The following MTHFD2L variants were observed in gnomAD, a reference collection of about 807,000 sequenced individuals.
MTHFD2L encodes methylenetetrahydrofolate dehydrogenase (NADP+ dependent) 2 like, also known as bifunctional methylenetetrahydrofolate dehydrogenase/cyclohydrolase 2, mitochondrial.
Under a neutral mutation model 34.9 loss-of-function variants are expected in MTHFD2L, and 29 were observed. The observed-to-expected ratio is 0.83, with a 90% CI of 0.62 to 1.13. The LOEUF is 1.13. MTHFD2L is among the 50% of genes most tolerant of loss of function. The pLI is 0.00. For missense variants in MTHFD2L, 481 were observed against 446.5 expected (o/e 1.08, Z -0.70); for synonymous variants, 167 against 155.7 (o/e 1.07, Z -0.54).
At chr4:74,152,687 C>G (rs1220651931) in intron 1 of MTHFD2L, among the ~76,000 whole-genome samples, 4 of 152,054 alleles carry the variant, frequency 2.6e-5, no homozygotes, top group African/African-American at 7.2e-5. Flanking sequence ...TCTCCACCCC[C>G]TGACAGGCCC....
At chr4:74,180,899 C>T in intron 3 of MTHFD2L, 1 of 178,628 alleles carries the variant, frequency 5.6e-6, no homozygotes. Flanking sequence ...ATGTTATATT[C>T]TTTTTTTCTT....
chr4:74,298,658 T>C lies in MTHFD2L; in HGVS notation c.932-3039T>C, dbSNP rs115220092. ...CAGCTGTGTAATTTGAAGTGTAATA[T>C]GTAGTTCAGAGATGATGAGCTATGA... On this transcript the variant is annotated intron_variant, in intron 7 of 7. Coordinates refer to ENST00000325278, the MANE Select transcript of MTHFD2L (RefSeq NM_001144978.3). Among the ~76,000 whole-genome samples, 573 of 152,166 alleles carry C rather than the reference T, an allele frequency of 3.8e-3. 6 individuals are homozygous for C. Among genetic ancestry groups the C allele is most frequent in the Non-Finnish European group, 6.3e-3 (429 of 67,972 alleles).
In MTHFD2L at chr4:74,200,561, G is replaced by T. The variant is rs555794792; in HGVS notation, c.604+615G>T. ...CATAGTTATCATTTCTATTGGCTTG[G>T]GTTTTAATTTTAAACATTTACCCTT... is the stretch of plus-strand genomic sequence containing the variant. On this transcript the variant is annotated intron_variant, in intron 4 of 7. Transcript: ENST00000325278. Among the ~76,000 whole-genome samples, 17 of 152,084 alleles carry T rather than the reference G, an allele frequency of 1.1e-4. No homozygotes were observed. In the South Asian group the frequency reaches 3.5e-3, roughly 32 times the overall value.
chr4:74,245,559 G>A (rs936264680), intron 6 of MTHFD2L, among the ~76,000 whole-genome samples: 1 of 151,882 alleles, frequency 6.6e-6, no homozygotes, highest in African/African-American at 2.4e-5. Context: ...CATGTGCCAT[G>A]CTGGTGTGCT....
chr4:74,298,908 G>A (rs1418905753), intron 7 of MTHFD2L, among the ~76,000 whole-genome samples: 1 of 151,960 alleles, frequency 6.6e-6, no homozygotes, highest in Non-Finnish European at 1.5e-5. Flanking sequence ...TGTGAATAAT[G>A]TCTGTACATA....
At chr4:74,157,934 C>T (rs1029976092), upstream of MTHFD2L, 155 of 817,728 alleles carry the variant, frequency 1.9e-4, no homozygotes, top group Non-Finnish European at 3.0e-4. Flanking sequence ...CCTGGCCCCG[C>T]CCCCTGCGGA....
intron 7 of MTHFD2L, among the ~76,000 whole-genome samples, chr4:74,300,514 G>A (rs1415049023): frequency 2.0e-5 from 3 of 151,982 alleles, no homozygotes; most frequent in Non-Finnish European, 2.9e-5. Flanking sequence ...CATCTAAATA[G>A]CATGTGGTTA....
At chr4:74,267,932 G>A in intron 6 of MTHFD2L, 1 of 985,324 alleles carries the variant, frequency 1.0e-6, no homozygotes, top group Non-Finnish European at 1.2e-6. Context: ...GCTCTGTAAG[G>A]AACCTAGCAC....
chr4:74,138,874 C>T (rs1025720905), intron 1 of MTHFD2L, among the ~76,000 whole-genome samples: 2 of 152,202 alleles, frequency 1.3e-5, no homozygotes, highest in Non-Finnish European at 2.9e-5. Context: ...TCCCTCTGTG[C>T]TCTCAGGCGA....
intron 3 of MTHFD2L, 115 bp from the exon 4 acceptor site, chr4:74,199,679 C>T: frequency 1.2e-6 from 1 of 823,632 alleles, no homozygotes; most frequent in East Asian, 2.7e-5. Flanking sequence ...AATGACTTTA[C>T]ACCTTTTTTA....
intron 2 of MTHFD2L, among the ~76,000 whole-genome samples, chr4:74,116,041 T>G (rs1471090279): frequency 6.6e-6 from 1 of 152,220 alleles, no homozygotes; most frequent in Non-Finnish European, 1.5e-5. Context: ...AGGATTGATA[T>G]AAAGTGAATT....
chr4:74,303,030 G>A lies in MTHFD2L; in HGVS notation c.*1221G>A, dbSNP rs1429719716. The A allele has an allele frequency of 6.6e-6, 1 of 152,124 alleles. No homozygotes were observed. Among genetic ancestry groups the A allele is most frequent in the Non-Finnish European group, 1.5e-5 (1 of 67,998 alleles). The allele number at this position is 152,124 out of a possible 1,614,324, so 9.4% of individuals were successfully genotyped here. On this transcript the variant is annotated 3_prime_UTR_variant, in exon 8 of 8. Coordinates refer to ENST00000325278, the MANE Select transcript of MTHFD2L (RefSeq NM_001144978.3). The stretch of plus-strand genomic sequence containing the variant: ...TATCAGTGTGTACTCGTGACGATTT[G>A]TGTGAAAATAGACTTGATGTTTATA...
intron 3 of MTHFD2L, among the ~76,000 whole-genome samples, chr4:74,179,996 C>G (rs781543044): frequency 3.3e-5 from 5 of 152,062 alleles, no homozygotes; most frequent in African/African-American, 4.8e-5. Context: ...GAGAGTCTTT[C>G]CAGATCATTC....
At chr4:74,149,817 T>C (rs889257202) in intron 1 of MTHFD2L, among the ~76,000 whole-genome samples, 5 of 152,288 alleles carry the variant, frequency 3.3e-5, no homozygotes, top group Admixed American at 6.5e-5. Flanking sequence ...CCCCAAAAAA[T>C]GTTTATATCC....
intron 6 of MTHFD2L, among the ~76,000 whole-genome samples, chr4:74,276,687 C>T (rs1415024957): frequency 6.6e-6 from 1 of 152,004 alleles, no homozygotes; most frequent in African/African-American, 2.4e-5. Flanking sequence ...ACTTTCTTTC[C>T]AATATCTATA....
chr4:74,281,545 T>C lies in MTHFD2L; in HGVS notation c.926T>C (p.Phe309Ser). The C allele has an allele frequency of 6.2e-7, 1 of 1,611,656 alleles. No individual in the cohort carries two copies. Among genetic ancestry groups the C allele is most frequent in the East Asian group, 2.2e-5 (1 of 44,738 alleles). Reference sequence around the variant, plus strand: ...ACAAAATTAGTTGGAGATGTGGACTTCGAAGGTAATAAACCAATATCTTTT... The same window carrying C: ...ACAAAATTAGTTGGAGATGTGGACTCCGAAGGTAATAAACCAATATCTTTT... Reference protein sequence around the residue: ...GKTKLVGDVDFEAVKKKAGFI... With the variant: ...GKTKLVGDVDSEAVKKKAGFI... Residue 309 changes from phenylalanine (F) to serine (S), a missense_variant, in exon 7 of 8, where the codon TTC (phenylalanine) becomes TCC (serine). By Grantham distance (155) the Phe-to-Ser change is radical. Coordinates refer to ENST00000325278, the MANE Select transcript of MTHFD2L (RefSeq NM_001144978.3).
Position 74,225,356 on chromosome 4 carries a change from T to A in MTHFD2L, c.767T>A (p.Ile256Asn). 1.2e-6 allele frequency: 2 copies of A among 1,613,218 alleles called. No individual in the cohort carries two copies. The highest frequency in any genetic ancestry group is 1.7e-6 in the Non-Finnish European group (2 of 1,179,372). The change falls in exon 6 of 8, where the codon ATT (isoleucine) becomes AAT (asparagine). Residue 256 changes from isoleucine (I) to asparagine (N), a missense_variant. Physicochemically the swap from Ile to Asn is moderately radical, Grantham distance 149 (BLOSUM62 -3). Transcript: ENST00000325278. ...HRYTPKEQLK[I>N]HTQLADIIIV... ...TACACCCCCAAAGAGCAACTGAAGA[T>A]TCATACGCAGCTGGCAGATATTATC...
intron 6 of MTHFD2L, among the ~76,000 whole-genome samples, chr4:74,278,411 C>T (rs1424759826): frequency 1.3e-5 from 2 of 152,076 alleles, no homozygotes; most frequent in African/African-American, 2.4e-5. Context: ...AACCCAGTAA[C>T]CATTCTGTCC....
intron 7 of MTHFD2L, among the ~76,000 whole-genome samples, chr4:74,301,150 A>C (rs890411873): frequency 6.6e-6 from 1 of 152,122 alleles, no homozygotes; most frequent in African/African-American, 2.4e-5. Flanking sequence ...GACCATCTGT[A>C]TTCACTGAAT....
Sources: gnomAD v4.1 joint callset for allele counts (sites outside exome capture counted in the v4.1 genomes callset) on GRCh38, gnomAD v4.1.1 for gene constraint, MANE v1.5 for transcripts, NCBI Gene and HGNC (gene_info 2026-07-23, HGNC 2026-07-21) for gene names.